DNAH11: variants seen among roughly 807,000 people sequenced by gnomAD.
DNAH11 encodes dynein axonemal heavy chain 11, also known as axonemal beta dynein heavy chain 11.
In DNAH11, 442 loss-of-function variants were observed where a neutral mutation model predicts 526.0. That is an observed-to-expected ratio of 0.84 (90% confidence interval 0.78 to 0.91). DNAH11 has a LOEUF of 0.91. Among genes scored for constraint, DNAH11 ranks in the 40% least tolerant of loss-of-function variants. The probability of loss-of-function intolerance (pLI) is 0.00; values close to 1 mark genes in which losing one functional copy is unlikely to be tolerated. For missense variants in DNAH11, 6,989 were observed against 5,448.7 expected (o/e 1.28, Z -8.90); for synonymous variants, 2,461 against 1,935.9 (o/e 1.27, Z -7.12).
At chr7:21,554,289 G>A (rs934566115) in intron 2 of DNAH11, among the ~76,000 whole-genome samples, 5 of 150,268 alleles carry the variant, frequency 3.3e-5, no homozygotes, top group Non-Finnish European at 5.9e-5. Flanking sequence ...TTCTCCTGCC[G>A]CAGCCTCCTG....
At chr7:21,702,972 T>A (rs544527023) in intron 37 of DNAH11, among the ~76,000 whole-genome samples, 170 bp downstream of exon 37, 6 of 152,286 alleles carry the variant, frequency 3.9e-5, no homozygotes, top group Admixed American at 3.3e-4. Context: ...AGGTCACAAG[T>A]GGTCTTGAGT....
intron 63 of DNAH11, among the ~76,000 whole-genome samples, chr7:21,808,445 A>G (rs1789369582): frequency 6.6e-6 from 1 of 152,100 alleles, no homozygotes; most frequent in African/African-American, 2.4e-5. Context: ...TATTAACTAC[A>G]GTTTCCCTAC....
intron 6 of DNAH11, among the ~76,000 whole-genome samples, chr7:21,568,545 A>G (rs1783761644): frequency 6.6e-6 from 1 of 152,144 alleles, no homozygotes; most frequent in Non-Finnish European, 1.5e-5. Flanking sequence ...CTCCCCGTGC[A>G]AGGAGACAGA....
At chr7:21,655,671 A>C (rs554877803) in intron 28 of DNAH11, among the ~76,000 whole-genome samples, 161 bp from the exon 29 acceptor site, 30 of 152,312 alleles carry the variant, frequency 2.0e-4, no homozygotes, top group African/African-American at 6.7e-4. Context: ...AGATCCTTTC[A>C]AGCTCTCATA....
intron 57 of DNAH11, among the ~76,000 whole-genome samples, chr7:21,781,567 A>G (rs1350654878): frequency 6.6e-6 from 1 of 152,228 alleles, no homozygotes; most frequent in African/African-American, 2.4e-5. Flanking sequence ...CGCCTTCTAA[A>G]TTGAAGCGCT....
At chr7:21,869,047 C>T in intron 73 of DNAH11, 56 bp downstream of exon 73, 2 of 1,606,962 alleles carry the variant, frequency 1.2e-6, no homozygotes, top group Non-Finnish European at 1.7e-6. Flanking sequence ...AGGGCCAGGG[C>T]AGAGCTGGCC....
chr7:21,636,983 G>C (rs896842609), intron 26 of DNAH11, among the ~76,000 whole-genome samples: 10 of 152,132 alleles, frequency 6.6e-5, no homozygotes, highest in Admixed American at 5.9e-4. Flanking sequence ...ATTGATTGGA[G>C]AGATTTCTAG....
At chr7:21,871,492 C>T (rs1430182326) in intron 73 of DNAH11, among the ~76,000 whole-genome samples, 1 of 152,212 alleles carries the variant, frequency 6.6e-6, no homozygotes, top group Non-Finnish European at 1.5e-5. Flanking sequence ...TCCAAAGTCA[C>T]TACCTAGAAT....
chr7:21,850,905 C>G (rs1782607284), intron 66 of DNAH11, among the ~76,000 whole-genome samples: 1 of 152,154 alleles, frequency 6.6e-6, no homozygotes, highest in South Asian at 2.1e-4. Flanking sequence ...TGATATTATA[C>G]TGGAGTCTGT....
chr7:21,789,905 T>TCCCG (rs1788400604), intron 61 of DNAH11, among the ~76,000 whole-genome samples: 1 of 109,758 alleles, frequency 9.1e-6, no homozygotes, highest in African/African-American at 3.5e-5. Context: ...TTCCCCTCCC[T>TCCCG]CCCTCCCTCC....
rs148187439 is a variant in DNAH11, at chr7:21,795,483, C to T, written c.10027-5654C>T. Among the ~76,000 whole-genome samples, 248 of 152,336 alleles carry T rather than the reference C, an allele frequency of 1.6e-3. 1 individual carries two copies. Among genetic ancestry groups the T allele is most frequent in the African/African-American group, 5.5e-3 (228 of 41,568 alleles). On this transcript the variant is annotated intron_variant, in intron 61 of 81. Coordinates refer to ENST00000409508, the MANE Select transcript of DNAH11 (RefSeq NM_001277115.2). ...CATCCTAACATGCGAACTCTCATTT[C>T]CTTTCTGTCTTCCACACTATGAGCT...
At chr7:21,853,846 T>G (rs1357354676) in intron 67 of DNAH11, among the ~76,000 whole-genome samples, 1 of 152,258 alleles carries the variant, frequency 6.6e-6, no homozygotes, top group African/African-American at 2.4e-5. Context: ...AGTCTCTATA[T>G]TAAGGCTTTT....
Position 21,866,502 on chromosome 7 carries a change from A to G in DNAH11, c.11529A>G (p.Ile3843Met), listed in dbSNP as rs778819474. 1 of 1,613,070 alleles carries G rather than the reference A, an allele frequency of 6.2e-7. No individual in the cohort carries two copies. Among genetic ancestry groups the G allele is most frequent in the Non-Finnish European group, 8.5e-7 (1 of 1,179,642 alleles). Residue 3843 changes from isoleucine to methionine, a missense_variant, in exon 71 of 82, where the codon ATA becomes ATG. Ile to Met is a conservative substitution (Grantham distance 10). Coordinates refer to ENST00000409508, the MANE Select transcript of DNAH11 (RefSeq NM_001277115.2). Reference sequence around the variant, plus strand: ...CCGTCATGGAAGAATTTCGAGGCATAGACCGAGATGTGGAAGGATCTGCCA... The same window carrying G: ...CCGTCATGGAAGAATTTCGAGGCATGGACCGAGATGTGGAAGGATCTGCCA... ...AIAVMEEFRGIDRDVEGSAKQ... is the reference protein window; with the variant it reads ...AIAVMEEFRGMDRDVEGSAKQ...
Position 21,852,489 on chromosome 7 carries a change from A to G in DNAH11, c.10919A>G (p.Asn3640Ser). The change falls in exon 67 of 82, where the codon AAT (asparagine) becomes AGT (serine). Residue 3640 changes from asparagine (N) to serine (S), a missense_variant. Transcript: ENST00000409508. ...KLKLVLTKHQ[N>S]DFKIELKYLE... ...TAGTTGGTATTGACAAAGCACCAAA[A>G]TGATTTTAAAATTGAGCTCAAGTAT... 1 of 1,613,728 alleles carries G rather than the reference A, an allele frequency of 6.2e-7. No individual in the cohort carries two copies. Among genetic ancestry groups the G allele is most frequent in the Non-Finnish European group, 8.5e-7 (1 of 1,179,780 alleles).
intron 66 of DNAH11, among the ~76,000 whole-genome samples, chr7:21,847,135 C>T (rs1313558855): frequency 6.6e-6 from 1 of 152,056 alleles, no homozygotes; most frequent in East Asian, 1.9e-4. Context: ...TTCAAATAAT[C>T]AGCTTTGGAT....
rs878854443 is a variant in DNAH11, at chr7:21,636,048, C to T, written c.4678C>T (p.Leu1560Phe). The T allele has an allele frequency of 1.2e-6, 2 of 1,613,346 alleles. No homozygotes were observed. The highest frequency in any genetic ancestry group is 1.7e-6 in the Non-Finnish European group (2 of 1,179,664). ...FVCSEDIRIQ[L>F]VKDARRFDGV... ...CTGTTCAGAAGATATTCGAATCCAG[C>T]TTGTGAAAGATGCTAGAAGATTTGA... Residue 1560 changes from leucine (L) to phenylalanine (F), a missense_variant, in exon 26 of 82, where the codon CTT (leucine) becomes TTT (phenylalanine). Coordinates refer to ENST00000409508, the MANE Select transcript of DNAH11 (RefSeq NM_001277115.2).
At chr7:21,625,533 C>T (rs74720466) in intron 25 of DNAH11, among the ~76,000 whole-genome samples, 1,927 of 151,990 alleles carry the variant, frequency 0.013, 15 homozygotes, top group Non-Finnish European at 0.017. Context: ...TCATTTTTTC[C>T]TACTATTGAT....
intron 32 of DNAH11, among the ~76,000 whole-genome samples, chr7:21,685,918 A>T (rs764365923): frequency 4.6e-5 from 7 of 152,206 alleles, no homozygotes; most frequent in African/African-American, 9.6e-5. Flanking sequence ...GTCACTTGGC[A>T]ACTCCTGACT....
intron 64 of DNAH11, 112 bp from the exon 65 acceptor site, chr7:21,818,105 A>G: frequency 9.5e-7 from 1 of 1,057,330 alleles, no homozygotes; most frequent in Non-Finnish European, 1.3e-6. Context: ...AGTTTTCTCT[A>G]AGTTTGTCCC....
Sources: allele counts gnomAD v4.1 joint callset (sites outside exome capture counted in the v4.1 genomes callset), GRCh38; gene constraint gnomAD v4.1.1; transcripts MANE v1.5; gene names NCBI Gene and HGNC (gene_info 2026-07-23, HGNC 2026-07-21).